SUCO: variants seen among roughly 807,000 people sequenced by gnomAD.
SUCO encodes SUN domain-containing ossification factor.
SUCO carries 57 observed loss-of-function variants against 148.1 expected under a neutral mutation model. That is an observed-to-expected ratio of 0.38 (90% confidence interval 0.31 to 0.48). The LOEUF (loss-of-function observed/expected upper bound fraction) is 0.48. SUCO is among the 20% of genes least tolerant of loss of function. SUCO has a pLI of 0.96. For synonymous variants in SUCO, 470 were observed against 502.7 expected (o/e 0.93, Z 0.87); for missense variants, 1,331 against 1,468.2 (o/e 0.91, Z 1.53).
rs116288788 is a variant in SUCO at position 172,589,130 on chromosome 1, G to A, written c.2029G>A (p.Val677Ile). ...LLPAESVDVS[V>I]LQPLSGELEN... Reference sequence around the variant, plus strand: ...TCCTGCGGAATCAGTAGATGTTTCAGTATTGCAACCTCTGAGTGGAGAATT... The same window carrying A: ...TCCTGCGGAATCAGTAGATGTTTCAATATTGCAACCTCTGAGTGGAGAATT... The change falls in exon 18 of 24, where the codon GTA (valine) becomes ATA (isoleucine). Residue 677 changes from valine to isoleucine, a missense_variant. Transcript: ENST00000263688. The A allele has an allele frequency of 6.2e-7, 1 of 1,613,700 alleles. No homozygotes were observed. The highest frequency in any genetic ancestry group is 2.2e-5 in the East Asian group (1 of 44,884).
chr1:172,544,068 C>G (rs1652693120), intron 1 of SUCO: 2 of 487,200 alleles, frequency 4.1e-6, no homozygotes, highest in East Asian at 1.5e-4. Flanking sequence ...TCAATACTTA[C>G]AGGATTTCAG....
intron 9 of SUCO, among the ~76,000 whole-genome samples, chr1:172,573,513 A>G (rs937044339): frequency 1.3e-5 from 2 of 152,180 alleles, no homozygotes; most frequent in African/African-American, 4.8e-5. Context: ...ACTAAATCGA[A>G]GACTATGATA....
Position 172,569,072 on chromosome 1 carries a change from C to T in SUCO, c.786C>T (p.Pro262=), listed in dbSNP as rs1350261674. Residue 262 remains proline (P), a synonymous_variant, in exon 7 of 24, where the codon CCC becomes CCT. Transcript: ENST00000263688. ...GDIDPTSVAS[P]KDPEDIPTFD... is the part of the protein sequence containing the mutation. ...TTGACCCTACATCAGTAGCAAGTCC[C>T]AAAGATCCAGAAGATATACCAACAT... is the stretch of plus-strand genomic sequence containing the variant. The T allele has an allele frequency of 1.3e-6, 2 of 1,596,492 alleles. No individual in the cohort carries two copies. The highest frequency in any genetic ancestry group is 1.8e-5 in the Admixed American group (1 of 55,978).
chr1:172,599,583 C>T (rs959901330), intron 19 of SUCO: 1 of 183,942 alleles, frequency 5.4e-6, no homozygotes, highest in Non-Finnish European at 1.0e-5. Context: ...CACTATGTAC[C>T]ATCCTAAGTT....
chr1:172,554,095 A>G (rs1283821540), intron 3 of SUCO, among the ~76,000 whole-genome samples: 2 of 151,702 alleles, frequency 1.3e-5, no homozygotes, highest in Admixed American at 6.6e-5. Flanking sequence ...TTTTTTTTTC[A>G]TTTTTTATTT....
At chr1:172,545,319 G>A (rs1467149247) in intron 1 of SUCO, among the ~76,000 whole-genome samples, 1 of 152,164 alleles carries the variant, frequency 6.6e-6, no homozygotes, top group Non-Finnish European at 1.5e-5. Context: ...GAAAAGATAA[G>A]GGCTGAAGAT....
At chr1:172,532,457 C>T (rs148679568), upstream of SUCO, 4 of 1,590,988 alleles carry the variant, frequency 2.5e-6, no homozygotes, top group East Asian at 4.5e-5. Context: ...AAAGGTTTTC[C>T]GCTGCAACCA....
chr1:172,563,941 T>C (rs1444989111), intron 6 of SUCO, among the ~76,000 whole-genome samples: 1 of 152,182 alleles, frequency 6.6e-6, no homozygotes, highest in Non-Finnish European at 1.5e-5. Context: ...TCCCAGCTGC[T>C]CCAACTTCAG....
At chr1:172,599,231 A>T (rs1308151753) in intron 19 of SUCO, 1 of 152,496 alleles carries the variant, frequency 6.6e-6, no homozygotes, top group East Asian at 1.9e-4. Flanking sequence ...CGGGAGGCTG[A>T]GGCAGGAGAA....
intron 20 of SUCO, 67 bp from the exon 21 acceptor site, chr1:172,601,997 T>C: frequency 7.0e-7 from 1 of 1,429,518 alleles, no homozygotes; most frequent in Non-Finnish European, 9.4e-7. Flanking sequence ...CTTTGAATTT[T>C]AGATACCCTT....
chr1:172,573,339 G>A (rs1655187076), intron 9 of SUCO, among the ~76,000 whole-genome samples: 1 of 152,034 alleles, frequency 6.6e-6, no homozygotes, highest in Non-Finnish European at 1.5e-5. Flanking sequence ...TGGCTGCTTA[G>A]TATTTCATTG....
chr1:172,605,955 C>T (rs964194541), intron 22 of SUCO, among the ~76,000 whole-genome samples: 4 of 151,296 alleles, frequency 2.6e-5, no homozygotes, highest in African/African-American at 9.7e-5. Context: ...ATTTTTTATT[C>T]TGTATTTTGT....
chr1:172,595,639 G>C (rs1210155513), intron 19 of SUCO, among the ~76,000 whole-genome samples: 4 of 152,196 alleles, frequency 2.6e-5, no homozygotes, highest in African/African-American at 9.7e-5. Flanking sequence ...TTTCTGCCAA[G>C]AGATCCACTG....
At chr1:172,592,647 G>GGTACCATTACCATGCTGTTTTT (rs1656755513) in intron 19 of SUCO, among the ~76,000 whole-genome samples, 2 of 152,226 alleles carry the variant, frequency 1.3e-5, no homozygotes, top group Admixed American at 1.3e-4. Context: ...TCTCTGTTTT[G>GGTACCATTACCATGCTGTTTTT]GTACCATTAC....
chr1:172,551,890 G>T, intron 2 of SUCO: 1 of 245,442 alleles, frequency 4.1e-6, no homozygotes, highest in Non-Finnish European at 7.8e-6. Flanking sequence ...AGCTGAAAAT[G>T]AGTGATTTGT....
chr1:172,598,938 C>G (rs1013062774), intron 19 of SUCO, among the ~76,000 whole-genome samples: 8 of 151,930 alleles, frequency 5.3e-5, no homozygotes, highest in African/African-American at 1.9e-4. Context: ...TTTTATACAC[C>G]CCCCCTCTCC....
intron 4 of SUCO, among the ~76,000 whole-genome samples, chr1:172,556,269 A>G (rs1277534602): frequency 6.6e-6 from 1 of 152,158 alleles, no homozygotes; most frequent in Non-Finnish European, 1.5e-5. Flanking sequence ...CAGATATGAA[A>G]TCTCTATATA....
intron 14 of SUCO, 52 bp downstream of exon 14, chr1:172,578,441 A>G (rs1655623423): frequency 1.3e-6 from 2 of 1,554,682 alleles, no homozygotes. Context: ...TACTTTTTAA[A>G]AATCGAATAG....
At chr1:172,574,056 C>CA in intron 10 of SUCO, 58 bp downstream of exon 10, 3 of 985,402 alleles carry the variant, frequency 3.0e-6, no homozygotes, top group Non-Finnish European at 4.5e-6. Flanking sequence ...AAAAGAAAAA[C>CA]AAAAAAACAA....
Sources: gnomAD v4.1 joint callset for allele counts (sites outside exome capture counted in the v4.1 genomes callset) on GRCh38, gnomAD v4.1.1 for gene constraint, MANE v1.5 for transcripts, NCBI Gene and HGNC (gene_info 2026-07-23, HGNC 2026-07-21) for gene names.